SLC9C1: variants seen among roughly 807,000 people sequenced by gnomAD.
SLC9C1 encodes the protein solute carrier family 9 member C1, also known as sodium/hydrogen exchanger 10.
SLC9C1 carries 97 observed loss-of-function variants against 140.9 expected under a neutral mutation model. That is an observed-to-expected ratio of 0.69 (90% CI 0.58 to 0.82). The LOEUF (loss-of-function observed/expected upper bound fraction) is 0.82, where lower values mean the gene tolerates loss of function less well. SLC9C1 is among the 40% of genes least tolerant of loss of function. The probability of loss-of-function intolerance (pLI) is 0.00; values close to 1 mark genes in which losing one functional copy is unlikely to be tolerated. For missense variants in SLC9C1, 1,340 were observed against 1,389.3 expected (o/e 0.96, Z 0.56); for synonymous variants, 440 against 442.6 (o/e 0.99, Z 0.07).
chr3:112,198,822 T>G (rs1436932730), intron 20 of SLC9C1, among the ~76,000 whole-genome samples: 1 of 152,010 alleles, frequency 6.6e-6, no homozygotes, highest in Non-Finnish European at 1.5e-5. Flanking sequence ...TTATGCTTTT[T>G]TTTTCTTATG....
intron 26 of SLC9C1, among the ~76,000 whole-genome samples, chr3:112,156,055 AT>A (rs1183640198): frequency 6.6e-6 from 1 of 151,952 alleles, no homozygotes; most frequent in African/African-American, 2.4e-5. Context: ...AATATACAAT[AT>A]TTTTTTAACT....
chr3:112,167,039 T>C (rs1576252766), intron 26 of SLC9C1, among the ~76,000 whole-genome samples, 182 bp downstream of exon 26: 1 of 152,314 alleles, frequency 6.6e-6, no homozygotes, highest in East Asian at 1.9e-4. Context: ...AAATATATAA[T>C]AATTTAAAAA....
At chr3:112,282,542 T>C (rs2080387012) in intron 2 of SLC9C1, among the ~76,000 whole-genome samples, 2 of 152,234 alleles carry the variant, frequency 1.3e-5, no homozygotes, top group Non-Finnish European at 2.9e-5. Context: ...AGGGCAATTT[T>C]GTGAGAGTTT....
chr3:112,190,048 G>A (rs749067790), intron 20 of SLC9C1, among the ~76,000 whole-genome samples: 8 of 152,134 alleles, frequency 5.3e-5, no homozygotes, highest in Non-Finnish European at 8.8e-5. Flanking sequence ...TGTTATTTGT[G>A]TATATGAATG....
At chr3:112,222,263 A>G (rs562293815) in intron 13 of SLC9C1, among the ~76,000 whole-genome samples, 188 of 152,322 alleles carry the variant, frequency 1.2e-3, no homozygotes, top group South Asian at 2.5e-3. Flanking sequence ...ATACTAGAAG[A>G]TGTTAACTGT....
At chr3:112,267,152 G>T (rs1434051168) in intron 7 of SLC9C1, among the ~76,000 whole-genome samples, 1 of 152,076 alleles carries the variant, frequency 6.6e-6, no homozygotes, top group Non-Finnish European at 1.5e-5. Context: ...GCTGGCACAT[G>T]CCTGTAGTAC....
intron 12 of SLC9C1, among the ~76,000 whole-genome samples, chr3:112,238,503 G>A (rs1024807492): frequency 1.3e-5 from 2 of 152,198 alleles, no homozygotes; most frequent in Admixed American, 6.5e-5. Flanking sequence ...CTGGTGAGGA[G>A]CTGCGTTCCT....
chr3:112,196,292 G>T (rs2077767428), intron 20 of SLC9C1, among the ~76,000 whole-genome samples: 1 of 151,930 alleles, frequency 6.6e-6, no homozygotes, highest in Non-Finnish European at 1.5e-5. Flanking sequence ...GTGTGTGATG[G>T]ATTGCTTCTC....
chr3:112,245,883 C>T (rs1403582271), intron 10 of SLC9C1, among the ~76,000 whole-genome samples: 9 of 151,946 alleles, frequency 5.9e-5, no homozygotes, highest in South Asian at 2.1e-4. Flanking sequence ...TTTCAGTGCA[C>T]GAGTCTTGCA....
intron 11 of SLC9C1, among the ~76,000 whole-genome samples, chr3:112,243,754 G>T (rs1449490270): frequency 6.6e-6 from 1 of 150,492 alleles, no homozygotes; most frequent in African/African-American, 2.5e-5. Context: ...GCAGTGGTGT[G>T]ATCTTGCCTC....
At position 112,238,288 on chromosome 3, in the gene SLC9C1, G is replaced by A. The variant is rs184319102; in HGVS notation, c.1446+1552C>T. On this transcript the variant is annotated intron_variant, in intron 12 of 28. Transcript: ENST00000305815. Reference sequence around the variant, plus strand: ...TGTGCATTCGTCACGTAGTTCTCGTGCCATGGTTTTCAGCTCCATCAGGTC... The same window carrying A: ...TGTGCATTCGTCACGTAGTTCTCGTACCATGGTTTTCAGCTCCATCAGGTC... Among the ~76,000 whole-genome samples, 138 of 152,304 alleles carry A rather than the reference G, an allele frequency of 9.1e-4. 1 individual carries two copies. Among genetic ancestry groups the A allele is most frequent in the Middle Eastern group, 6.8e-3 (2 of 294 alleles).
In SLC9C1 at chr3:112,178,137, A is replaced by ATT. The variant is rs113311369; in HGVS notation, c.2919+1392_2919+1393dup. ...GCCTTCTTCCCCTCTACCACTACAT[A>ATT]TTTTTTTTTTTTTGTAAACAGAGAC... is the stretch of plus-strand genomic sequence containing the variant. On this transcript the variant is annotated intron_variant, in intron 23 of 28. Coordinates refer to ENST00000305815, the MANE Select transcript of SLC9C1 (RefSeq NM_183061.3). 1.1e-3 allele frequency among the ~76,000 whole-genome samples: 163 copies of ATT among 143,276 alleles called. 2 individuals carry two copies. In the East Asian group the frequency reaches 0.012, roughly 11 times the overall value. The allele number at this position is 143,276 out of a possible 152,430, so 94.0% of individuals were successfully genotyped here. A position where few individuals can be genotyped will look rare whatever the true frequency, so the allele number is the denominator to read the frequency against.
intron 27 of SLC9C1, among the ~76,000 whole-genome samples, chr3:112,153,786 A>G (rs935497274): frequency 2.0e-5 from 3 of 152,206 alleles, no homozygotes; most frequent in African/African-American, 7.2e-5. Flanking sequence ...ATCTGAGTCA[A>G]TTCCAGAAAG....
At chr3:112,242,946 G>A (rs1167775507) in intron 11 of SLC9C1, among the ~76,000 whole-genome samples, 1 of 152,052 alleles carries the variant, frequency 6.6e-6, no homozygotes, top group East Asian at 1.9e-4. Flanking sequence ...TAAAAGAAAT[G>A]CAAATCAAAA....
chr3:112,210,021 A>C (rs1048562573), intron 15 of SLC9C1, among the ~76,000 whole-genome samples: 1 of 152,222 alleles, frequency 6.6e-6, no homozygotes, highest in Non-Finnish European at 1.5e-5. Flanking sequence ...GACCTCAACT[A>C]GTTACAACAA....
chr3:112,189,908 T>C (rs1289076972), intron 20 of SLC9C1, among the ~76,000 whole-genome samples: 1 of 152,232 alleles, frequency 6.6e-6, no homozygotes. Context: ...TTTTATTTTG[T>C]TGAGCAGTGG....
At chr3:112,282,884 A>G (rs2108353305) in intron 2 of SLC9C1, among the ~76,000 whole-genome samples, 1 of 152,340 alleles carries the variant, frequency 6.6e-6, no homozygotes, top group Non-Finnish European at 1.5e-5. Flanking sequence ...AATTATTGTG[A>G]CTATTCATGT....
At chr3:112,162,513 C>T (rs1231097522) in intron 26 of SLC9C1, among the ~76,000 whole-genome samples, 1 of 152,190 alleles carries the variant, frequency 6.6e-6, no homozygotes, top group South Asian at 2.1e-4. Context: ...GCCTTTTCTG[C>T]ATCTATTGAG....
At chr3:112,267,583 AAAAAAAAAAAAAAAGAG>A (rs1433312954) in intron 7 of SLC9C1, among the ~76,000 whole-genome samples, 1 of 149,784 alleles carries the variant, frequency 6.7e-6, no homozygotes, top group Non-Finnish European at 1.5e-5. Flanking sequence ...CTCAAAAAAA[AAAAAAAAAAAAAAAGAG>A]AGAGAGAGAG....
Sources: gnomAD v4.1 joint callset for allele counts (sites outside exome capture counted in the v4.1 genomes callset) on GRCh38, gnomAD v4.1.1 for gene constraint, MANE v1.5 for transcripts, NCBI Gene and HGNC (gene_info 2026-07-23, HGNC 2026-07-21) for gene names.